Variants in XIRP2 observed in about 807,000 individuals in gnomAD.
XIRP2 encodes the protein xin actin-binding repeat-containing protein 2.
A neutral mutation model predicts 277.0 loss-of-function variants in XIRP2; 236 were observed. That is an observed-to-expected ratio of 0.85 (90% CI 0.77 to 0.95). XIRP2 has a LOEUF of 0.95. Among genes scored for constraint, XIRP2 ranks in the 40% least tolerant of loss-of-function variants. The pLI is 0.00. For synonymous variants in XIRP2, 1,490 were observed against 1,416.5 expected (o/e 1.05, Z -1.17); for missense variants, 4,640 against 4,157.5 (o/e 1.12, Z -3.19).
chr2:167,254,127 G>T lies in XIRP2; in HGVS notation c.*1G>T. 1 of 1,610,610 alleles carries T rather than the reference G, an allele frequency of 6.2e-7. No homozygotes were observed. The highest frequency in any genetic ancestry group is 8.5e-7 in the Non-Finnish European group (1 of 1,178,162). On this transcript the variant is annotated 3_prime_UTR_variant, in exon 10 of 11. Transcript: ENST00000409195. ...TGGCAGACAAGCAGAATTTTCATAA[G>T]TCCTGCTTCCGATGCCACCATTGCA...
intron 2 of XIRP2, among the ~76,000 whole-genome samples, chr2:167,091,734 A>G (rs2105275973): frequency 6.6e-6 from 1 of 152,230 alleles, no homozygotes; most frequent in East Asian, 1.9e-4. Context: ...TTACATAATT[A>G]CAGAACTATA....
chr2:166,899,582 TTGTC>T (rs1419199457), intron 1 of XIRP2, among the ~76,000 whole-genome samples: 4 of 152,144 alleles, frequency 2.6e-5, no homozygotes, highest in Admixed American at 2.6e-4. Context: ...TAGTTTTCCT[TTGTC>T]TGAGAATGTG....
intron 2 of XIRP2, among the ~76,000 whole-genome samples, chr2:167,094,251 C>A (rs1304107729): frequency 6.6e-6 from 1 of 152,102 alleles, no homozygotes; most frequent in East Asian, 1.9e-4. Context: ...CAAAAATTTT[C>A]TCCCATTCTG....
chr2:167,178,049 A>G (rs77299361), intron 3 of XIRP2, among the ~76,000 whole-genome samples: 1 of 151,742 alleles, frequency 6.6e-6, no homozygotes, highest in Admixed American at 6.5e-5. Context: ...AAAAAAAAAA[A>G]GCAAATGTGG....
intron 2 of XIRP2, among the ~76,000 whole-genome samples, chr2:167,107,304 C>A (rs1690642203): frequency 6.6e-6 from 1 of 151,466 alleles, no homozygotes; most frequent in African/African-American, 2.4e-5. Flanking sequence ...GAAAAGCATT[C>A]AGCCTTCACC....
intron 3 of XIRP2, among the ~76,000 whole-genome samples, chr2:167,137,411 A>G (rs893847481): frequency 6.6e-6 from 1 of 152,182 alleles, no homozygotes; most frequent in African/African-American, 2.4e-5. Flanking sequence ...AAAGAATTAG[A>G]TTAGCAGAGG....
At chr2:166,890,563 A>T (rs1374110486) in intron 1 of XIRP2, among the ~76,000 whole-genome samples, 1 of 152,198 alleles carries the variant, frequency 6.6e-6, no homozygotes, top group Non-Finnish European at 1.5e-5. Flanking sequence ...CTCAATAGTA[A>T]ACTCTAAAAG....
intron 2 of XIRP2, among the ~76,000 whole-genome samples, chr2:167,026,567 T>G (rs1265455999): frequency 6.6e-6 from 1 of 152,194 alleles, no homozygotes; most frequent in African/African-American, 2.4e-5. Context: ...CTTTACATTT[T>G]GGCATGTTTT....
chr2:166,987,025 A>G lies in XIRP2; in HGVS notation c.408+83135A>G, dbSNP rs1322101971. ...ATAGTCTGTCTCATTTAGACATCAAATAAAACCTGGGAATCTAAATGGAGG... is the reference window on the plus strand; with the variant it reads ...ATAGTCTGTCTCATTTAGACATCAAGTAAAACCTGGGAATCTAAATGGAGG... On this transcript the variant is annotated intron_variant, in intron 2 of 10. Transcript: ENST00000409195. Among the ~76,000 whole-genome samples the G allele has an allele frequency of 2.6e-5, 4 of 152,212 alleles. No homozygotes were observed. The South Asian group carries it at 8.3e-4, about 31-fold the overall frequency.
chr2:166,963,134 T>C (rs2105409979), intron 2 of XIRP2, among the ~76,000 whole-genome samples: 1 of 151,774 alleles, frequency 6.6e-6, no homozygotes, highest in South Asian at 2.1e-4. Context: ...TGTACAACTT[T>C]GTCAATTAAA....
At position 167,245,793 on chromosome 2, in the gene XIRP2, A is replaced by G; in HGVS notation, c.4401A>G (p.Glu1467=). 1 of 1,613,754 alleles carries G rather than the reference A, an allele frequency of 6.2e-7. No individual in the cohort carries two copies. The highest frequency in any genetic ancestry group is 8.5e-7 in the Non-Finnish European group (1 of 1,179,754). The change falls in exon 9 of 11, where the codon GAA becomes GAG. Residue 1467 remains glutamate, a synonymous_variant. Transcript: ENST00000409195. The part of the protein sequence containing the change: ...ETHTMDELRG[E]GLEYENIKTV... ...ACACTATGGATGAACTGAGAGGAGA[A>G]GGGTTAGAATATGAAAATATCAAGA...
chr2:167,247,790 A>G lies in XIRP2; in HGVS notation c.6398A>G (p.His2133Arg). The G allele has an allele frequency of 6.2e-7, 1 of 1,613,298 alleles. No individual in the cohort carries two copies. Among genetic ancestry groups the G allele is most frequent in the Non-Finnish European group, 8.5e-7 (1 of 1,179,668 alleles). Residue 2133 changes from histidine (H) to arginine (R), a missense_variant, in exon 9 of 11, where the codon CAC (histidine) becomes CGC (arginine). Coordinates refer to ENST00000409195, the MANE Select transcript of XIRP2 (RefSeq NM_152381.6). Reference protein sequence around the residue: ...KQQTYELRNDHQKMEGFHIKS... With the variant: ...KQQTYELRNDRQKMEGFHIKS... ...CAGACATATGAACTGAGAAATGACCACCAGAAAATGGAGGGTTTTCATATA... is the reference window on the plus strand; with the variant it reads ...CAGACATATGAACTGAGAAATGACCGCCAGAAAATGGAGGGTTTTCATATA...
chr2:167,025,197 C>T (rs1024196750), intron 2 of XIRP2, among the ~76,000 whole-genome samples: 39 of 152,224 alleles, frequency 2.6e-4, no homozygotes, highest in South Asian at 4.2e-4. Flanking sequence ...GTGTATGTGT[C>T]GAGGAATTTA....
At chr2:166,908,324 G>A (rs1574068372) in intron 2 of XIRP2, among the ~76,000 whole-genome samples, 1 of 152,228 alleles carries the variant, frequency 6.6e-6, no homozygotes, top group Middle Eastern at 3.4e-3. Flanking sequence ...GTGTGAGATG[G>A]TATCTCATTG....
Position 167,242,731 on chromosome 2 carries a change from G to A in XIRP2, c.1339G>A (p.Gly447Arg), listed in dbSNP as rs767737333. 5.6e-5 allele frequency: 91 copies of A among 1,614,048 alleles called. 1 individual carries two copies. The highest frequency in any genetic ancestry group is 8.5e-7 in the Non-Finnish European group (1 of 1,179,976). ...TLAQINATSS[G>R]MTEEFPPPPP... ...GGCACAAATTAATGCTACTTCTTCA[G>A]GAATGACAGAAGAATTTCCTCCTCC... Residue 447 changes from glycine to arginine, a missense_variant, in exon 9 of 11, where the codon GGA becomes AGA. Coordinates refer to ENST00000409195, the MANE Select transcript of XIRP2 (RefSeq NM_152381.6).
chr2:167,120,582 A>G (rs1328764768), intron 2 of XIRP2, among the ~76,000 whole-genome samples: 1 of 152,166 alleles, frequency 6.6e-6, no homozygotes, highest in Non-Finnish European at 1.5e-5. Flanking sequence ...CAGGGAGTAT[A>G]TGCTATATCC....
At chr2:167,145,241 C>A (rs1275220716) in intron 3 of XIRP2, among the ~76,000 whole-genome samples, 2 of 152,086 alleles carry the variant, frequency 1.3e-5, no homozygotes, top group African/African-American at 4.8e-5. Context: ...ATCTACAATT[C>A]CCACTCCTGT....
intron 1 of XIRP2, among the ~76,000 whole-genome samples, chr2:166,898,804 A>G (rs1293256403): frequency 2.0e-5 from 3 of 152,116 alleles, no homozygotes; most frequent in Non-Finnish European, 4.4e-5. Context: ...ACAATCCCTG[A>G]GAACCACTAA....
intron 5 of XIRP2, among the ~76,000 whole-genome samples, chr2:167,237,511 A>T (rs1167850445): frequency 1.3e-5 from 2 of 152,154 alleles, no homozygotes; most frequent in South Asian, 2.1e-4. Flanking sequence ...GTATATGCCC[A>T]ACTAAAAGCC....
Sources: gnomAD v4.1 joint callset for allele counts (sites outside exome capture counted in the v4.1 genomes callset) on GRCh38, gnomAD v4.1.1 for gene constraint, MANE v1.5 for transcripts, NCBI Gene and HGNC (gene_info 2026-07-23, HGNC 2026-07-21) for gene names.